LYPLAL1: variants seen among roughly 807,000 people sequenced by gnomAD.
LYPLAL1 encodes lysophospholipase like 1, also known as lysophospholipase-like protein 1.
Under a neutral mutation model 19.7 loss-of-function variants are expected in LYPLAL1, and 23 were observed. The ratio of observed to expected loss-of-function variants is 1.17; its 90% CI spans 0.84 to 1.65. The LOEUF (loss-of-function observed/expected upper bound fraction) is 1.65, where lower values mean the gene tolerates loss of function less well. Among genes scored for constraint, LYPLAL1 ranks in the 40% most tolerant of loss-of-function variants. The probability of loss-of-function intolerance (pLI) is 0.00; values close to 1 mark genes in which losing one functional copy is unlikely to be tolerated. For missense variants in LYPLAL1, 355 were observed against 279.4 expected, an observed-to-expected ratio of 1.27 and a Z score of -1.93; for synonymous variants, 119 against 96.3, an observed-to-expected ratio of 1.24 and a Z score of -1.38.
chr1:219,409,221 GGCA>G, the LYPLAL1 span, among the ~76,000 whole-genome samples: 1 of 152,136 alleles, frequency 6.6e-6, no homozygotes, highest in Non-Finnish European at 1.5e-5. Context: ...GGTGGAGATG[GGCA>G]GATCGCTTGA....
chr1:219,340,867 C>A, the LYPLAL1 span, among the ~76,000 whole-genome samples: 3 of 151,980 alleles, frequency 2.0e-5, no homozygotes, highest in African/African-American at 7.2e-5. Flanking sequence ...TTTATATAAC[C>A]CAGGAACCCA....
At chr1:219,327,732 C>T in the LYPLAL1 span, among the ~76,000 whole-genome samples, 31 of 152,100 alleles carry the variant, frequency 2.0e-4, no homozygotes, top group African/African-American at 6.8e-4. Context: ...GGTCAGTTTT[C>T]CCCATACTAT....
chr1:219,290,810 T>C, the LYPLAL1 span, among the ~76,000 whole-genome samples: 1 of 152,164 alleles, frequency 6.6e-6, no homozygotes, highest in Non-Finnish European at 1.5e-5. Context: ...CTTGTGACCA[T>C]ACCCAAATGC....
chr1:219,317,608 G>C, the LYPLAL1 span, among the ~76,000 whole-genome samples: 4 of 152,132 alleles, frequency 2.6e-5, no homozygotes, highest in African/African-American at 9.6e-5. Context: ...CAGGAATAAG[G>C]GGGTAGAAAG....
chr1:219,444,218 T>A, the LYPLAL1 span, among the ~76,000 whole-genome samples: 1 of 152,244 alleles, frequency 6.6e-6, no homozygotes, highest in Non-Finnish European at 1.5e-5. Context: ...AAACTGCATT[T>A]GCATATTTAC....
chr1:219,373,837 G>T, the LYPLAL1 span, among the ~76,000 whole-genome samples: 1 of 133,520 alleles, frequency 7.5e-6, no homozygotes, highest in Non-Finnish European at 1.5e-5. Context: ...TTTGCAGCAG[G>T]CTTAAGTCAG....
chr1:219,173,887 A>T lies in LYPLAL1; in HGVS notation c.-4A>T. 1.2e-6 allele frequency: 2 copies of T among 1,612,138 alleles called. No individual in the cohort carries two copies. Among genetic ancestry groups the T allele is most frequent in the South Asian group, 1.1e-5 (1 of 91,078 alleles). On this transcript the variant is annotated 5_prime_UTR_variant, in exon 1 of 5. Coordinates refer to ENST00000366928, the MANE Select transcript of LYPLAL1 (RefSeq NM_138794.5). Reference sequence around the variant, plus strand: ...GAACCGCATGACTGGCAGTGGCATCAGCGATGGCGGCTGCGTCGGGGTCGG... The same window carrying T: ...GAACCGCATGACTGGCAGTGGCATCTGCGATGGCGGCTGCGTCGGGGTCGG...
chr1:219,176,542 C>CA (rs1015903045), intron 1 of LYPLAL1, among the ~76,000 whole-genome samples: 1 of 152,136 alleles, frequency 6.6e-6, no homozygotes, highest in Admixed American at 6.5e-5. Flanking sequence ...GCTTTCTTCT[C>CA]AAAAAACTCT....
At chr1:219,421,233 G>A in the LYPLAL1 span, among the ~76,000 whole-genome samples, 1 of 152,156 alleles carries the variant, frequency 6.6e-6, no homozygotes, top group African/African-American at 2.4e-5. Flanking sequence ...AATCAATCCA[G>A]CTACAGAACT....
At chr1:219,187,759 A>G (rs1427414387) in intron 2 of LYPLAL1, among the ~76,000 whole-genome samples, 3 of 151,880 alleles carry the variant, frequency 2.0e-5, no homozygotes, top group African/African-American at 4.8e-5. Flanking sequence ...TCTTTACTCC[A>G]TCACTTAGAA....
the LYPLAL1 span, among the ~76,000 whole-genome samples, chr1:219,377,326 A>T: frequency 6.6e-6 from 1 of 152,162 alleles, no homozygotes; most frequent in African/African-American, 2.4e-5. Context: ...GTTTCTAGGG[A>T]CTAGAGAGAG....
At chr1:219,220,453 C>T in the LYPLAL1 span, among the ~76,000 whole-genome samples, 1 of 151,726 alleles carries the variant, frequency 6.6e-6, no homozygotes, top group Non-Finnish European at 1.5e-5. Context: ...CCTAGGGCTA[C>T]CCATTAGGTA....
the LYPLAL1 span, among the ~76,000 whole-genome samples, chr1:219,417,606 A>C: frequency 6.6e-6 from 1 of 152,260 alleles, no homozygotes; most frequent in South Asian, 2.1e-4. Flanking sequence ...ATGTGAATCT[A>C]ATCCTGAATC....
chr1:219,419,584 C>CAGAGAGAGAG, the LYPLAL1 span, among the ~76,000 whole-genome samples: 571 of 128,882 alleles, frequency 4.4e-3, 4 homozygotes, highest in African/African-American at 0.017. Context: ...CACACACACA[C>CAGAGAGAGAG]ACACACACAC....
the LYPLAL1 span, among the ~76,000 whole-genome samples, chr1:219,443,432 A>G: frequency 6.6e-6 from 1 of 152,214 alleles, no homozygotes; most frequent in African/African-American, 2.4e-5. Flanking sequence ...AATAATTCTT[A>G]TAATTTGTTA....
the LYPLAL1 span, among the ~76,000 whole-genome samples, chr1:219,341,490 G>A: frequency 6.6e-6 from 1 of 152,082 alleles, no homozygotes; most frequent in African/African-American, 2.4e-5. Flanking sequence ...TATTTCTCAA[G>A]GTGGAGTTTA....
the LYPLAL1 span, among the ~76,000 whole-genome samples, chr1:219,311,875 TAAC>T: frequency 1.6e-4 from 25 of 152,222 alleles, no homozygotes; most frequent in Non-Finnish European, 2.8e-4. Flanking sequence ...ATGCTTTTAA[TAAC>T]AGGTTTCCTG....
chr1:219,419,680 G>C, the LYPLAL1 span, among the ~76,000 whole-genome samples: 1 of 150,986 alleles, frequency 6.6e-6, no homozygotes, highest in Non-Finnish European at 1.5e-5. Context: ...GATGTTTATG[G>C]CTGTTTCCCC....
the LYPLAL1 span, chr1:219,435,255 G>T: frequency 5.9e-5 from 9 of 152,302 alleles, no homozygotes; most frequent in Middle Eastern, 3.4e-3. Context: ...ACATAGGGTG[G>T]TTCCAACAGT....
Sources: allele counts gnomAD v4.1 joint callset (sites outside exome capture counted in the v4.1 genomes callset), GRCh38; gene constraint gnomAD v4.1.1; transcripts MANE v1.5; gene names NCBI Gene and HGNC (gene_info 2026-07-23, HGNC 2026-07-21).